The following DPH6 variants were observed in gnomAD, a reference collection of about 807,000 sequenced individuals.
DPH6 encodes the protein diphthamine biosynthesis 6.
DPH6 carries 33 observed loss-of-function variants against 38.2 expected under a neutral mutation model. That is an observed-to-expected ratio of 0.86 (90% CI 0.65 to 1.15). The LOEUF is 1.15. Ranked by LOEUF, DPH6 falls within the 50% of genes most tolerant of loss-of-function variation. The probability of loss-of-function intolerance (pLI) is 0.00; values close to 1 mark genes in which losing one functional copy is unlikely to be tolerated. For synonymous variants in DPH6, 108 were observed against 103.0 expected (o/e 1.05, Z -0.30); for missense variants, 325 against 320.0 (o/e 1.02, Z -0.12).
downstream of DPH6, chr15:35,330,709 C>T (rs997357733): frequency 6.6e-6 from 1 of 152,194 alleles, no homozygotes; most frequent in African/African-American, 2.4e-5. Flanking sequence ...GTTTCTGACA[C>T]ACTTCAAATC....
chr15:35,435,997 C>T (rs1007616320), intron 5 of DPH6, among the ~76,000 whole-genome samples: 1 of 151,866 alleles, frequency 6.6e-6, no homozygotes, highest in African/African-American at 2.4e-5. Context: ...AGCAGTCATC[C>T]ACCTCCACCC....
At chr15:35,436,494 C>CAAA (rs375381054) in intron 5 of DPH6, among the ~76,000 whole-genome samples, 8 of 9,148 alleles carry the variant, frequency 8.7e-4, no homozygotes, top group Non-Finnish European at 1.6e-3. Context: ...CAAAACAAAA[C>CAAA]AAAACAAAAC....
At chr15:35,434,971 A>G (rs1368415741) in intron 5 of DPH6, among the ~76,000 whole-genome samples, 3 of 145,958 alleles carry the variant, frequency 2.1e-5, no homozygotes, top group Non-Finnish European at 4.5e-5. Context: ...ACAGGGTTTC[A>G]CCATGTTGCC....
intron 5 of DPH6, among the ~76,000 whole-genome samples, chr15:35,447,960 C>A (rs1196320899): frequency 3.9e-5 from 6 of 152,276 alleles, no homozygotes; most frequent in Admixed American, 1.3e-4. Context: ...TTTAACTGAA[C>A]AAACTAACCC....
intron 3 of DPH6, among the ~76,000 whole-genome samples, chr15:35,472,054 C>A (rs1365289326): frequency 1.3e-5 from 2 of 152,164 alleles, no homozygotes. Flanking sequence ...ATAGCCACTG[C>A]ACTCCAGCCT....
At chr15:35,165,788 TA>T in the DPH6 span, among the ~76,000 whole-genome samples, 1 of 152,060 alleles carries the variant, frequency 6.6e-6, no homozygotes, top group African/African-American at 2.4e-5. Context: ...TCTTAGTATA[TA>T]ATTCTGAACA....
chr15:35,205,472 T>G, the DPH6 span, among the ~76,000 whole-genome samples: 1 of 152,036 alleles, frequency 6.6e-6, no homozygotes. Context: ...GATAAGATAT[T>G]TTAAATTAAA....
At chr15:35,208,185 A>G in the DPH6 span, among the ~76,000 whole-genome samples, 1 of 152,214 alleles carries the variant, frequency 6.6e-6, no homozygotes, top group South Asian at 2.1e-4. Context: ...CTTACATTGA[A>G]TACCAAACGA....
intron 3 of DPH6, among the ~76,000 whole-genome samples, chr15:35,252,185 G>T (rs2051679611): frequency 6.6e-6 from 1 of 152,128 alleles, no homozygotes; most frequent in Non-Finnish European, 1.5e-5. Context: ...CAATATGATA[G>T]ACATGATTTA....
chr15:35,209,592 A>C, the DPH6 span, among the ~76,000 whole-genome samples: 2 of 152,220 alleles, frequency 1.3e-5, no homozygotes, highest in South Asian at 2.1e-4. Flanking sequence ...CTCCCTCACC[A>C]GAAAGTATAA....
chr15:35,428,693 T>C (rs967537576), intron 5 of DPH6, among the ~76,000 whole-genome samples: 1 of 152,102 alleles, frequency 6.6e-6, no homozygotes, highest in Non-Finnish European at 1.5e-5. Context: ...AAAGTACCAG[T>C]GGACTTTCAA....
intron 2 of DPH6, among the ~76,000 whole-genome samples, chr15:35,539,418 TTTAAGG>T (rs1328165901): frequency 2.0e-5 from 3 of 151,948 alleles, no homozygotes; most frequent in African/African-American, 7.2e-5. Context: ...GATAAAAAGA[TTTAAGG>T]TTAAAGAAGT....
At chr15:35,469,593 C>T (rs1313130731) in intron 3 of DPH6, among the ~76,000 whole-genome samples, 1 of 152,104 alleles carries the variant, frequency 6.6e-6, no homozygotes, top group Non-Finnish European at 1.5e-5. Flanking sequence ...TTGGCTTGGT[C>T]ACTTGATAGA....
chr15:35,509,989 G>A (rs1373151496), intron 3 of DPH6, among the ~76,000 whole-genome samples: 1 of 152,142 alleles, frequency 6.6e-6, no homozygotes, highest in African/African-American at 2.4e-5. Context: ...GCCAAGGCAG[G>A]GGGACTGCTT....
At chr15:35,238,575 T>G (rs538707815) in intron 3 of DPH6, among the ~76,000 whole-genome samples, 1 of 152,204 alleles carries the variant, frequency 6.6e-6, no homozygotes, top group Non-Finnish European at 1.5e-5. Context: ...CTCTTTCTCT[T>G]CTTGGAAATT....
intron 3 of DPH6, among the ~76,000 whole-genome samples, chr15:35,301,510 T>C (rs2052054393): frequency 6.6e-6 from 1 of 152,350 alleles, no homozygotes; most frequent in East Asian, 1.9e-4. Flanking sequence ...ACCAAATAAG[T>C]TTTTGAAAAG....
intron 4 of DPH6, among the ~76,000 whole-genome samples, chr15:35,453,302 T>A (rs910483534): frequency 6.6e-6 from 1 of 151,938 alleles, no homozygotes; most frequent in African/African-American, 2.4e-5. Flanking sequence ...TATACACATA[T>A]ATGTAATGGG....
At chr15:35,500,953 C>T (rs183699840) in intron 3 of DPH6, among the ~76,000 whole-genome samples, 393 of 152,214 alleles carry the variant, frequency 2.6e-3, no homozygotes, top group Admixed American at 4.3e-3. Context: ...GTTGGCTAGG[C>T]TGGTCTTGAA....
At chr15:35,385,367 C>T (rs2052936509) in intron 6 of DPH6, among the ~76,000 whole-genome samples, 1 of 152,124 alleles carries the variant, frequency 6.6e-6, no homozygotes, top group Non-Finnish European at 1.5e-5. Flanking sequence ...GGAACCAACC[C>T]AAATGCCCAT....
Sources: gnomAD v4.1 joint callset for allele counts (sites outside exome capture counted in the v4.1 genomes callset) on GRCh38, gnomAD v4.1.1 for gene constraint, MANE v1.5 for transcripts, NCBI Gene and HGNC (gene_info 2026-07-23, HGNC 2026-07-21) for gene names.